Variants in RAPGEF2 observed in about 807,000 individuals in gnomAD.
RAPGEF2 encodes Rap guanine nucleotide exchange factor 2, also known as PDZ domain containing guanine nucleotide exchange factor (GEF) 1.
Under a neutral mutation model 186.7 loss-of-function variants are expected in RAPGEF2, and 54 were observed. The ratio of observed to expected loss-of-function variants is 0.29; its 90% CI spans 0.23 to 0.36. RAPGEF2 has a LOEUF of 0.36. Among genes scored for constraint, RAPGEF2 ranks in the 10% least tolerant of loss-of-function variants. The pLI is 1.00. For missense variants in RAPGEF2, 1,532 were observed against 2,045.0 expected (o/e 0.75, Z 4.84); for synonymous variants, 712 against 705.9 (o/e 1.01, Z -0.14).
chr4:159,260,171 G>A (rs999598005), intron 7 of RAPGEF2, among the ~76,000 whole-genome samples: 2 of 151,820 alleles, frequency 1.3e-5, no homozygotes, highest in Non-Finnish European at 2.9e-5. Flanking sequence ...ATAGAGACGA[G>A]GTTTTGCCAT....
chr4:159,197,205 T>C (rs1748736708), intron 3 of RAPGEF2, among the ~76,000 whole-genome samples: 1 of 152,226 alleles, frequency 6.6e-6, no homozygotes. Context: ...TGCAGCATAC[T>C]GCCAATAAGA....
At chr4:159,337,947 T>C (rs868732688) in intron 17 of RAPGEF2, among the ~76,000 whole-genome samples, 5 of 136,466 alleles carry the variant, frequency 3.7e-5, no homozygotes, top group African/African-American at 1.3e-4. Flanking sequence ...AGAAACATAC[T>C]ATACACTTAA....
intron 9 of RAPGEF2, among the ~76,000 whole-genome samples, chr4:159,321,810 G>A (rs1164412069): frequency 6.6e-6 from 1 of 152,122 alleles, no homozygotes; most frequent in Non-Finnish European, 1.5e-5. Flanking sequence ...GCTAAAAAAT[G>A]GTGTTATCAG....
intron 1 of RAPGEF2, among the ~76,000 whole-genome samples, chr4:159,173,746 C>T (rs1424069449): frequency 6.6e-6 from 1 of 152,022 alleles, no homozygotes; most frequent in African/African-American, 2.4e-5. Flanking sequence ...TGTGTGTATA[C>T]GCAGCTGATT....
chr4:159,193,779 A>G (rs1748356365), intron 3 of RAPGEF2, among the ~76,000 whole-genome samples: 1 of 152,244 alleles, frequency 6.6e-6, no homozygotes, highest in African/African-American at 2.4e-5. Flanking sequence ...GTAGATAAAT[A>G]TTGGCATATT....
At chr4:159,295,099 A>C (rs1248895803) in intron 7 of RAPGEF2, among the ~76,000 whole-genome samples, 2 of 151,188 alleles carry the variant, frequency 1.3e-5, no homozygotes, top group Non-Finnish European at 1.5e-5. Flanking sequence ...ATTATACAAT[A>C]CAGGCCCCCT....
chr4:159,232,192 A>G (rs1752717848), intron 4 of RAPGEF2, among the ~76,000 whole-genome samples: 1 of 152,208 alleles, frequency 6.6e-6, no homozygotes, highest in South Asian at 2.1e-4. Context: ...AGTGGCATTA[A>G]TTACATTCAC....
intron 7 of RAPGEF2, among the ~76,000 whole-genome samples, chr4:159,292,992 C>T (rs1761433567): frequency 6.6e-6 from 1 of 152,014 alleles, no homozygotes; most frequent in Admixed American, 6.6e-5. Flanking sequence ...TGATTATATT[C>T]CTTTGGCCTA....
intron 1 of RAPGEF2, among the ~76,000 whole-genome samples, chr4:159,184,332 C>G (rs76418301): frequency 0.48 from 73,248 of 152,050 alleles, 19,341 homozygotes; most frequent in African/African-American, 0.71. Context: ...CTTCCACAAT[C>G]GTTGAACTAG....
At chr4:159,251,662 T>C (rs1344332225) in intron 7 of RAPGEF2, among the ~76,000 whole-genome samples, 1 of 151,958 alleles carries the variant, frequency 6.6e-6, no homozygotes, top group Non-Finnish European at 1.5e-5. Context: ...TATGTCTAGC[T>C]AGAGGGTTGT....
intron 1 of RAPGEF2, among the ~76,000 whole-genome samples, chr4:159,124,257 C>T (rs1053406291): frequency 1.3e-5 from 2 of 151,642 alleles, no homozygotes; most frequent in Admixed American, 6.6e-5. Context: ...TCTAGTAAGT[C>T]GGCCAGGTGT....
At chr4:159,106,966 G>A (rs542546422) in intron 1 of RAPGEF2, among the ~76,000 whole-genome samples, 2 of 152,260 alleles carry the variant, frequency 1.3e-5, no homozygotes, top group East Asian at 3.9e-4. Context: ...AGGGGGAATA[G>A]TAAGGAGAAA....
intron 20 of RAPGEF2, among the ~76,000 whole-genome samples, chr4:159,342,548 T>A (rs375189823): frequency 1.5e-3 from 139 of 90,980 alleles, no homozygotes; most frequent in Non-Finnish European, 2.8e-3. Flanking sequence ...TTTATTTTAT[T>A]TTATATTATT....
At chr4:159,299,888 A>T (rs1004730638) in intron 7 of RAPGEF2, among the ~76,000 whole-genome samples, 16 of 151,924 alleles carry the variant, frequency 1.1e-4, no homozygotes, top group Non-Finnish European at 1.8e-4. Flanking sequence ...ATAATAAAAA[A>T]AAAAGCTATT....
chr4:159,303,317 G>A (rs1393816927), intron 7 of RAPGEF2, among the ~76,000 whole-genome samples: 5 of 152,014 alleles, frequency 3.3e-5, no homozygotes, highest in African/African-American at 9.7e-5. Flanking sequence ...TAAGGTTAAC[G>A]TTTATTTAAG....
chr4:159,173,593 C>T (rs1746141087), intron 1 of RAPGEF2, among the ~76,000 whole-genome samples: 1 of 152,104 alleles, frequency 6.6e-6, no homozygotes, highest in Admixed American at 6.5e-5. Flanking sequence ...ATGAATTGAA[C>T]ACCAAGCTGA....
At chr4:159,290,137 G>A (rs1184850944) in intron 7 of RAPGEF2, among the ~76,000 whole-genome samples, 3 of 152,218 alleles carry the variant, frequency 2.0e-5, no homozygotes, top group Non-Finnish European at 2.9e-5. Context: ...AGATAGGACA[G>A]TGGTAGTACA....
At chr4:159,206,132 G>A (rs1032414914) in intron 3 of RAPGEF2, among the ~76,000 whole-genome samples, 2 of 152,104 alleles carry the variant, frequency 1.3e-5, no homozygotes, top group Non-Finnish European at 2.9e-5. Flanking sequence ...GGGTTTCACC[G>A]TGTTAGCCAG....
intron 2 of RAPGEF2, among the ~76,000 whole-genome samples, chr4:159,189,319 TTACTG>T (rs1260645538): frequency 6.6e-6 from 1 of 152,214 alleles, no homozygotes; most frequent in Non-Finnish European, 1.5e-5. Flanking sequence ...AAAGTAGACA[TTACTG>T]TGTTGCTGTA....
Sources: gnomAD v4.1 joint callset for allele counts (sites outside exome capture counted in the v4.1 genomes callset) on GRCh38, gnomAD v4.1.1 for gene constraint, MANE v1.5 for transcripts, NCBI Gene and HGNC (gene_info 2026-07-23, HGNC 2026-07-21) for gene names.